PMM2: variants seen among roughly 807,000 people sequenced by gnomAD.
PMM2 encodes the protein mannose-6-phosphate isomerase.
In PMM2, 35 loss-of-function variants were observed where a neutral mutation model predicts 33.2. The observed-to-expected ratio is 1.06, with a 90% CI of 0.81 to 1.40. The LOEUF is 1.40. Ranked by LOEUF, PMM2 falls within the 40% of genes most tolerant of loss-of-function variation. The probability of loss-of-function intolerance (pLI) is 0.00; values close to 1 mark genes in which losing one functional copy is unlikely to be tolerated. For synonymous variants in PMM2, 153 were observed against 114.7 expected (o/e 1.33, Z -2.13); for missense variants, 386 against 306.0 (o/e 1.26, Z -1.95).
Position 8,800,776 on chromosome 16 carries a change from C to T in PMM2, c.67-1023C>T, listed in dbSNP as rs184017282. 3.1e-3 allele frequency among the ~76,000 whole-genome samples: 465 copies of T among 152,128 alleles called. 2 individuals carry two copies. The highest frequency in any genetic ancestry group is 5.7e-3 in the Non-Finnish European group (387 of 68,006). On this transcript the variant is annotated intron_variant, in intron 1 of 7. Coordinates refer to ENST00000268261, the MANE Select transcript of PMM2 (RefSeq NM_000303.3). ...TTGGCTCACTGCAACCTCTGACTCC[C>T]GGGTTCAAGTGATTCTCCTGCCTCA... is the stretch of plus-strand genomic sequence containing the variant.
At chr16:8,827,739 T>TATATAC (rs1555451062) in intron 7 of PMM2, among the ~76,000 whole-genome samples, 2 of 33,512 alleles carry the variant, frequency 6.0e-5, no homozygotes, top group Non-Finnish European at 1.2e-4. Flanking sequence ...TATATATATA[T>TATATAC]ATATATATAT....
At chr16:8,842,944 G>A (rs551899138) in intron 7 of PMM2, among the ~76,000 whole-genome samples, 48 of 152,142 alleles carry the variant, frequency 3.2e-4, no homozygotes, top group African/African-American at 1.1e-3. Flanking sequence ...GGTTAAGGTG[G>A]GGGGATATGA....
chr16:8,833,428 C>T (rs142091058), intron 7 of PMM2, among the ~76,000 whole-genome samples: 4,437 of 152,238 alleles, frequency 0.029, 140 homozygotes, highest in African/African-American at 0.076. Flanking sequence ...GTGCAAGTCA[C>T]AGGGGATGCG....
chr16:8,830,225 G>A (rs150421092), intron 7 of PMM2, among the ~76,000 whole-genome samples: 2,185 of 152,302 alleles, frequency 0.014, 20 homozygotes, highest in Non-Finnish European at 0.023. Context: ...GGGGGTTGGG[G>A]AGGCTACTGA....
At position 8,811,265 on chromosome 16, in the gene PMM2, C is replaced by T. The variant is rs372520438; in HGVS notation, c.447+87C>T. Reference sequence around the variant, plus strand: ...GTGTGGTGGTTCATGCCTGTAATCCCAACACTTTGGGAGGCCAAGGCAGGA... The same window carrying T: ...GTGTGGTGGTTCATGCCTGTAATCCTAACACTTTGGGAGGCCAAGGCAGGA... On this transcript the variant is annotated intron_variant, in intron 5 of 7. Transcript: ENST00000268261. The T allele has an allele frequency of 1.9e-5, 18 of 953,248 alleles. No homozygotes were observed. The African/African-American group carries it at 2.1e-4, about 11-fold the overall frequency. 59.0% of individuals were successfully genotyped at this position (953,248 alleles called of 1,614,324 possible). A position where few individuals can be genotyped will look rare whatever the true frequency, so the allele number is the denominator to read the frequency against.
chr16:8,804,039 T>TTTTTG (rs1555449118), intron 2 of PMM2, among the ~76,000 whole-genome samples: 9 of 132,838 alleles, frequency 6.8e-5, no homozygotes, highest in East Asian at 2.2e-4. Flanking sequence ...TTGTTTTTTT[T>TTTTTG]TTTTTTTTTT....
At chr16:8,832,992 G>C in intron 7 of PMM2, 1 of 534,940 alleles carries the variant, frequency 1.9e-6, no homozygotes. Context: ...TGTGGTTTTG[G>C]TTTGCGCCGT....
chr16:8,797,954 T>G lies in PMM2; in HGVS notation c.66+6T>G. ...CCCTCACCGCCCCGCGGCAGGTAAG[T>G]GGCGGCCGGCGGGCTGCTGGCAGCC... On this transcript the variant is annotated splice_donor_region_variant and intron_variant, in intron 1 of 7. Transcript: ENST00000268261. 1 of 1,598,546 alleles carries G rather than the reference T, an allele frequency of 6.3e-7. No homozygotes were observed. The highest frequency in any genetic ancestry group is 8.5e-7 in the Non-Finnish European group (1 of 1,173,560).
intron 4 of PMM2, chr16:8,807,962 G>A (rs2060656396): frequency 6.6e-6 from 1 of 152,190 alleles, no homozygotes; most frequent in South Asian, 2.1e-4. Flanking sequence ...TTTCTTGATG[G>A]TGAGGTTGCA....
At chr16:8,847,545 C>T (rs906940774) in intron 7 of PMM2, 179 bp from the exon 8 acceptor site, 1 of 618,292 alleles carries the variant, frequency 1.6e-6, no homozygotes, top group Non-Finnish European at 2.9e-6. Context: ...TTATAAATCT[C>T]TTCTTAATAA....
intron 7 of PMM2, among the ~76,000 whole-genome samples, chr16:8,841,914 A>G (rs1433712175): frequency 6.6e-6 from 1 of 150,530 alleles, no homozygotes; most frequent in Non-Finnish European, 1.5e-5. Context: ...TATGAGGAAG[A>G]AAATGGATTT....
At chr16:8,798,487 G>A (rs1417683072) in intron 1 of PMM2, among the ~76,000 whole-genome samples, 1 of 152,120 alleles carries the variant, frequency 6.6e-6, no homozygotes, top group East Asian at 1.9e-4. Flanking sequence ...TGTCTGTGAG[G>A]ATCAAATGAG....
At chr16:8,802,671 C>A (rs8044029) in intron 2 of PMM2, among the ~76,000 whole-genome samples, 10,095 of 151,774 alleles carry the variant, frequency 0.067, 416 homozygotes, top group Middle Eastern at 0.14. Flanking sequence ...TCTACTAAAA[C>A]TACAAAAAAT....
chr16:8,801,623 G>T (rs761972093), intron 1 of PMM2, among the ~76,000 whole-genome samples, 176 bp from the exon 2 acceptor site: 2 of 152,168 alleles, frequency 1.3e-5, no homozygotes, highest in Non-Finnish European at 2.9e-5. Context: ...GATGAGCTAT[G>T]ACCATGCCAC....
intron 7 of PMM2, among the ~76,000 whole-genome samples, chr16:8,837,122 G>T (rs1487569468): frequency 6.6e-6 from 1 of 151,878 alleles, no homozygotes; most frequent in Non-Finnish European, 1.5e-5. Context: ...CGACGCTTGG[G>T]GTTGCGACTG....
chr16:8,810,999 C>T (rs563497815), intron 4 of PMM2, 80 bp from the exon 5 acceptor site: 1 of 836,172 alleles, frequency 1.2e-6, no homozygotes, highest in East Asian at 2.7e-5. Context: ...TAGAATTTCC[C>T]AAGATTTTAG....
chr16:8,803,974 G>A (rs146512072), intron 2 of PMM2, among the ~76,000 whole-genome samples: 184 of 149,254 alleles, frequency 1.2e-3, no homozygotes, highest in African/African-American at 3.0e-3. Context: ...ATGAGTCACC[G>A]TGCCTGGCCA....
At chr16:8,821,288 C>T (rs2060737911) in intron 7 of PMM2, among the ~76,000 whole-genome samples, 1 of 152,176 alleles carries the variant, frequency 6.6e-6, no homozygotes, top group African/African-American at 2.4e-5. Flanking sequence ...GTCCCACCCG[C>T]TCCTGTGTGG....
At chr16:8,842,032 G>C (rs994135531) in intron 7 of PMM2, among the ~76,000 whole-genome samples, 1 of 150,638 alleles carries the variant, frequency 6.6e-6, no homozygotes, top group Non-Finnish European at 1.5e-5. Context: ...ATGAGGGCTA[G>C]GCTAAAACAG....
Sources: gnomAD v4.1 joint callset for allele counts (sites outside exome capture counted in the v4.1 genomes callset) on GRCh38, gnomAD v4.1.1 for gene constraint, MANE v1.5 for transcripts, NCBI Gene and HGNC (gene_info 2026-07-23, HGNC 2026-07-21) for gene names.